MAPK10: variants seen among roughly 807,000 people sequenced by gnomAD.
The protein encoded by MAPK10 is mitogen-activated protein kinase 10.
Under a neutral mutation model 59.3 loss-of-function variants are expected in MAPK10, and 25 were observed. That is an observed-to-expected ratio of 0.42 (90% CI 0.31 to 0.59). The LOEUF (loss-of-function observed/expected upper bound fraction) is 0.59, where lower values mean the gene tolerates loss of function less well. Ranked by LOEUF, MAPK10 falls within the 20% of genes least tolerant of loss-of-function variation. The pLI is 0.15. For missense variants in MAPK10, 351 were observed against 568.9 expected, an observed-to-expected ratio of 0.62 and a Z score of 3.90; for synonymous variants, 190 against 200.5, an observed-to-expected ratio of 0.95 and a Z score of 0.44.
intron 1 of MAPK10, among the ~76,000 whole-genome samples, chr4:86,461,614 C>G (rs567679871): frequency 7.8e-4 from 118 of 152,242 alleles, no homozygotes; most frequent in African/African-American, 2.8e-3. Flanking sequence ...CCTTTTCACA[C>G]TGATGATGAG....
At chr4:86,575,450 A>C (rs76232419) in intron 1 of MAPK10, among the ~76,000 whole-genome samples, 7,133 of 152,210 alleles carry the variant, frequency 0.047, 222 homozygotes, top group African/African-American at 0.059. Context: ...AATGTATTTT[A>C]TTTGGTCCTG....
At chr4:86,482,238 T>C (rs550453281) in intron 1 of MAPK10, among the ~76,000 whole-genome samples, 10 of 152,282 alleles carry the variant, frequency 6.6e-5, no homozygotes, top group African/African-American at 2.4e-4. Context: ...GACATTGTTT[T>C]ATATTTCTTA....
intron 11 of MAPK10, 137 bp from the exon 12 acceptor site, chr4:86,031,568 T>C (rs910974193): frequency 1.5e-5 from 9 of 601,720 alleles, no homozygotes; most frequent in Non-Finnish European, 2.6e-5. Flanking sequence ...ATTACAGTAG[T>C]TCAGAAGTTA....
chr4:86,421,028 G>C (rs1660634311), intron 1 of MAPK10, among the ~76,000 whole-genome samples: 1 of 151,964 alleles, frequency 6.6e-6, no homozygotes, highest in African/African-American at 2.4e-5. Context: ...GTTGCAGTGA[G>C]CCGAGAGCAT....
intron 1 of MAPK10, among the ~76,000 whole-genome samples, chr4:86,448,398 TG>T (rs1321379160): frequency 1.5e-5 from 2 of 129,678 alleles, no homozygotes; most frequent in Non-Finnish European, 3.5e-5. Context: ...AAAAGAATTC[TG>T]GGTTTTTTTT....
intron 1 of MAPK10, among the ~76,000 whole-genome samples, chr4:86,559,903 C>T (rs1760544161): frequency 6.7e-6 from 1 of 149,478 alleles, no homozygotes; most frequent in Non-Finnish European, 1.5e-5. Flanking sequence ...TGCAACACTG[C>T]ACTCCAGCCT....
At chr4:86,041,887 C>G (rs1240006666) in intron 11 of MAPK10, among the ~76,000 whole-genome samples, 1 of 152,184 alleles carries the variant, frequency 6.6e-6, no homozygotes, top group Admixed American at 6.5e-5. Context: ...ATTAGTTCAG[C>G]AATTGTGGAA....
At chr4:86,336,912 T>C (rs1332476466) in intron 2 of MAPK10, among the ~76,000 whole-genome samples, 3 of 144,798 alleles carry the variant, frequency 2.1e-5, no homozygotes, top group African/African-American at 7.6e-5. Context: ...TGCCTCAGCC[T>C]CCCAAGTAGC....
At chr4:86,264,218 G>A (rs2094133692) in intron 2 of MAPK10, among the ~76,000 whole-genome samples, 1 of 152,122 alleles carries the variant, frequency 6.6e-6, no homozygotes, top group South Asian at 2.1e-4. Context: ...AACATACTAT[G>A]ACAGCCTTCA....
At chr4:86,040,679 G>T (rs2041334290) in intron 11 of MAPK10, among the ~76,000 whole-genome samples, 1 of 151,920 alleles carries the variant, frequency 6.6e-6, no homozygotes, top group South Asian at 2.1e-4. Flanking sequence ...ATATCATAAT[G>T]AAATCAACAA....
intron 1 of MAPK10, among the ~76,000 whole-genome samples, chr4:86,402,592 G>A (rs1743861909): frequency 6.6e-6 from 1 of 152,044 alleles, no homozygotes; most frequent in Admixed American, 6.5e-5. Context: ...TGATAAGACA[G>A]GATAAAACAT....
chr4:86,108,389 G>A (rs1471666183), intron 4 of MAPK10, among the ~76,000 whole-genome samples: 2 of 152,050 alleles, frequency 1.3e-5, no homozygotes, highest in African/African-American at 4.8e-5. Context: ...TTAGTTGTCA[G>A]GAGGAAATGC....
chr4:86,372,564 G>GAAAGAAAGAAAGGAAAAGA, intron 1 of MAPK10, among the ~76,000 whole-genome samples: 4,427 of 78,348 alleles, frequency 0.057, 184 homozygotes, highest in East Asian at 0.084. Flanking sequence ...AAGAAAGAAA[G>GAAAGAAAGAAAGGAAAAGA]AAAGAAAAGA....
At chr4:86,462,034 G>T (rs1017234357) in intron 1 of MAPK10, among the ~76,000 whole-genome samples, 3 of 152,286 alleles carry the variant, frequency 2.0e-5, no homozygotes, top group Middle Eastern at 3.4e-3. Context: ...CCAAACTGGG[G>T]CATTTCCAGC....
At chr4:86,357,922 ACT>A (rs1735346033) in intron 1 of MAPK10, 3 of 200,268 alleles carry the variant, frequency 1.5e-5, no homozygotes, top group Admixed American at 6.5e-5. Context: ...AAGCATGAAG[ACT>A]CTCTAATATT....
At chr4:86,361,937 A>G (rs1210969748), upstream of MAPK10, among the ~76,000 whole-genome samples, 1 of 152,176 alleles carries the variant, frequency 6.6e-6, no homozygotes, top group Non-Finnish European at 1.5e-5. Context: ...ACAAAGTTTC[A>G]GTTAGAAAGG....
chr4:86,352,446 A>G (rs1201103711), intron 2 of MAPK10, among the ~76,000 whole-genome samples: 1 of 152,120 alleles, frequency 6.6e-6, no homozygotes, highest in African/African-American at 2.4e-5. Flanking sequence ...CAGGTGATTG[A>G]GAGTATACAT....
intron 11 of MAPK10, among the ~76,000 whole-genome samples, chr4:86,063,031 A>T (rs1191047462): frequency 6.6e-6 from 1 of 152,222 alleles, no homozygotes; most frequent in Non-Finnish European, 1.5e-5. Context: ...AAGAGAGCAG[A>T]TCTTAAACAA....
At chr4:86,077,353 C>T (rs1476795302) in intron 9 of MAPK10, among the ~76,000 whole-genome samples, 5 of 152,116 alleles carry the variant, frequency 3.3e-5, no homozygotes, top group African/African-American at 7.2e-5. Flanking sequence ...CTTTCTAAAA[C>T]GATAATGCCT....
Sources: allele counts gnomAD v4.1 joint callset (sites outside exome capture counted in the v4.1 genomes callset), GRCh38; gene constraint gnomAD v4.1.1; transcripts MANE v1.5; gene names NCBI Gene and HGNC (gene_info 2026-07-23, HGNC 2026-07-21).